ANGPTL1: variants seen among roughly 807,000 people sequenced by gnomAD.
ANGPTL1 encodes the protein angiopoietin like 1.
ANGPTL1 carries 36 observed loss-of-function variants against 46.7 expected under a neutral mutation model. The ratio of observed to expected loss-of-function variants is 0.77; its 90% CI spans 0.59 to 1.02. ANGPTL1 has a LOEUF of 1.02. ANGPTL1 is among the 50% of genes least tolerant of loss of function. The pLI is 0.00. For missense variants in ANGPTL1, 571 were observed against 594.7 expected (o/e 0.96, Z 0.41); for synonymous variants, 221 against 204.3 (o/e 1.08, Z -0.69).
chr1:178,865,238 G>A lies in ANGPTL1; in HGVS notation c.539C>T (p.Ala180Val). The A allele has an allele frequency of 6.2e-7, 1 of 1,614,124 alleles. No individual in the cohort carries two copies. Residue 180 changes from alanine to valine, a missense_variant, in exon 3 of 6, where the codon GCT (alanine) becomes GTT (valine). Physicochemically the swap from Ala to Val is moderately conservative, Grantham distance 64 (BLOSUM62 0). Transcript: ENST00000234816. ...TRYRELEVKYASLTDLVNNQS... is the reference protein window; with the variant it reads ...TRYRELEVKYVSLTDLVNNQS... ...GTTATTGACAAGATCAGTCAAGGAAGCGTATTTCACCTCTAGTTCCCTGTA... is the reference window on the plus strand; with the variant it reads ...GTTATTGACAAGATCAGTCAAGGAAACGTATTTCACCTCTAGTTCCCTGTA...
rs183060436 is a variant in ANGPTL1, at chr1:178,865,706, C to T, written c.71G>A (p.Gly24Glu). The T allele has an allele frequency of 6.2e-7, 1 of 1,613,718 alleles. No homozygotes were observed. Among genetic ancestry groups the T allele is most frequent in the Admixed American group, 1.7e-5 (1 of 59,984 alleles). Residue 24 changes from glycine to glutamate, a missense_variant, in exon 3 of 6, where the codon GGA becomes GAA. Physicochemically the swap from Gly to Glu is moderately conservative, Grantham distance 98. Transcript: ENST00000234816. ...GTTTATTTTTTTAATTTTGAATTGT[C>T]CACCTCTGCAATGTCCAGTGTCCAC... ...LLVDTGHCRG[G>E]QFKIKKINQR... is the part of the protein sequence containing the mutation.
intron 3 of ANGPTL1, 116 bp from the exon 4 acceptor site, chr1:178,853,903 A>G: frequency 3.3e-6 from 2 of 607,424 alleles, no homozygotes; most frequent in Non-Finnish European, 5.1e-6. Flanking sequence ...ATTGTTTATC[A>G]TATATACAAT....
rs375369347 is a variant in ANGPTL1 at position 178,852,882 on chromosome 1, A to G, written c.1089T>C (p.Asp363=). The change falls in exon 5 of 6, where the codon GAT becomes GAC. Residue 363 remains aspartate, a synonymous_variant. Coordinates refer to ENST00000234816, the MANE Select transcript of ANGPTL1 (RefSeq NM_004673.4). ...CTAATTCAATCAATAACTTGTAATT[A>G]TCTTGATTGCTAAGCATATAGATAT... ...LENIYMLSNQ[D]NYKLLIELED... is the part of the protein sequence containing the mutation. 6.2e-7 allele frequency: 1 copy of G among 1,613,842 alleles called. No individual in the cohort carries two copies. Among genetic ancestry groups the G allele is most frequent in the Non-Finnish European group, 8.5e-7 (1 of 1,179,766 alleles).
At position 178,865,762 on chromosome 1, in the gene ANGPTL1, G is replaced by C. The variant is rs763199904; in HGVS notation, c.15C>G (p.Thr5=). ...GGAAGAATAGCACACCTAGGGTCCA[G>C]GTAAAAGTCTTCATTTTGAAATGAG... The part of the protein sequence containing the change: MKTF[T]WTLGVLFFLL... The change falls in exon 3 of 6, where the codon ACC becomes ACG. Residue 5 remains threonine (T), a synonymous_variant. Coordinates refer to ENST00000234816, the MANE Select transcript of ANGPTL1 (RefSeq NM_004673.4). 11 of 1,582,076 alleles carry C rather than the reference G, an allele frequency of 7.0e-6. No homozygotes were observed. The highest frequency in any genetic ancestry group is 9.4e-6 in the Non-Finnish European group (11 of 1,167,798).
intron 2 of ANGPTL1, 78 bp downstream of exon 2, chr1:178,869,036 C>T (rs1658587169): frequency 6.6e-6 from 1 of 151,934 alleles, no homozygotes; most frequent in African/African-American, 2.4e-5. Context: ...ATCTATGTTA[C>T]CTCATAAAAC....
intron 2 of ANGPTL1, among the ~76,000 whole-genome samples, chr1:178,868,912 C>A (rs1307735808): frequency 6.6e-6 from 1 of 151,820 alleles, no homozygotes; most frequent in East Asian, 1.9e-4. Flanking sequence ...AGACTAGCTA[C>A]GTCAGGAGTA....
chr1:178,853,449 T>C (rs1486956686), intron 4 of ANGPTL1, 145 bp downstream of exon 4: 1 of 756,114 alleles, frequency 1.3e-6, no homozygotes, highest in African/African-American at 1.9e-5. Context: ...ATGAGAATCA[T>C]TTTTTTGACA....
Position 178,852,669 on chromosome 1 carries a change from T to G in ANGPTL1, c.1288+14A>C. 1 of 1,599,694 alleles carries G rather than the reference T, an allele frequency of 6.3e-7. No individual in the cohort carries two copies. Among genetic ancestry groups the G allele is most frequent in the South Asian group, 1.1e-5 (1 of 89,478 alleles). On this transcript the variant is annotated intron_variant, in intron 5 of 5. Coordinates refer to ENST00000234816, the MANE Select transcript of ANGPTL1 (RefSeq NM_004673.4). ...GTGATGATTCTACAAAGAATGAAAG[T>G]TTTTCATACTTACCTGCATACATAT... is the stretch of plus-strand genomic sequence containing the variant.
chr1:178,867,324 A>G (rs936889447), intron 2 of ANGPTL1, among the ~76,000 whole-genome samples: 2 of 152,148 alleles, frequency 1.3e-5, no homozygotes, highest in South Asian at 4.1e-4. Flanking sequence ...CTTATTATCA[A>G]GAGTCACACA....
chr1:178,869,014 A>G (rs1171380377), intron 2 of ANGPTL1, 100 bp downstream of exon 2: 1 of 152,046 alleles, frequency 6.6e-6, no homozygotes, highest in Non-Finnish European at 1.5e-5. Context: ...TTTTGAAGCA[A>G]AAGATCCATA....
intron 3 of ANGPTL1, among the ~76,000 whole-genome samples, chr1:178,864,434 G>A (rs1204491849): frequency 6.6e-6 from 1 of 152,106 alleles, no homozygotes; most frequent in Non-Finnish European, 1.5e-5. Context: ...CAAAACCCAG[G>A]ACCTGATTAG....
chr1:178,865,329 C>A lies in ANGPTL1; in HGVS notation c.448G>T (p.Glu150Ter). 1 of 1,614,002 alleles carries A rather than the reference C, an allele frequency of 6.2e-7. No homozygotes were observed. The highest frequency in any genetic ancestry group is 8.5e-7 in the Non-Finnish European group (1 of 1,179,956). Residue 150 changes from glutamate (E) to a stop codon, truncating the protein, a stop_gained, in exon 3 of 6, where the codon GAA (glutamate) becomes TAA (stop). Coordinates refer to ENST00000234816, the MANE Select transcript of ANGPTL1 (RefSeq NM_004673.4). LOFTEE classifies it high-confidence loss of function. ...ATTTTGTTTTCCAGTTGGGAAAGTT[C>A]AAGTGAATTATCCCTCTTACGGATA... The part of the protein sequence containing the change: ...EIIRKRDNSL[E>*]LSQLENKILN...
intron 3 of ANGPTL1, among the ~76,000 whole-genome samples, chr1:178,863,963 T>C (rs1658212173): frequency 6.6e-6 from 1 of 152,210 alleles, no homozygotes; most frequent in East Asian, 1.9e-4. Flanking sequence ...TCCTGCCTTT[T>C]CAATAAGTGA....
At chr1:178,852,568 A>T in intron 5 of ANGPTL1, 115 bp downstream of exon 5, 1 of 1,121,584 alleles carries the variant, frequency 8.9e-7, no homozygotes, top group Non-Finnish European at 1.2e-6. Context: ...ATTTCCTGCC[A>T]CAGTGACCAA....
chr1:178,864,122 G>T (rs1386261505), intron 3 of ANGPTL1, among the ~76,000 whole-genome samples: 2 of 152,066 alleles, frequency 1.3e-5, no homozygotes, highest in Non-Finnish European at 2.9e-5. Flanking sequence ...ACTGAATTCA[G>T]AAAGTTAGCA....
intron 3 of ANGPTL1, 69 bp downstream of exon 3, chr1:178,864,885 A>T (rs1457992333): frequency 1.9e-6 from 2 of 1,059,694 alleles, no homozygotes; most frequent in East Asian, 5.3e-5. Context: ...ATTTATTATG[A>T]GCATTGTTTC....
At position 178,865,229 on chromosome 1, in the gene ANGPTL1, G is replaced by A. The variant is rs1250635512; in HGVS notation, c.548C>T (p.Thr183Ile). 6.2e-7 allele frequency: 1 copy of A among 1,614,144 alleles called. No homozygotes were observed. Among genetic ancestry groups the A allele is most frequent in the South Asian group, 1.1e-5 (1 of 91,078 alleles). ...CACAGATTGGTTATTGACAAGATCA[G>A]TCAAGGAAGCGTATTTCACCTCTAG... ...RELEVKYASL[T>I]DLVNNQSVMI... The change falls in exon 3 of 6, where the codon ACT becomes ATT. Residue 183 changes from threonine (T) to isoleucine (I), a missense_variant. By Grantham distance (89) the Thr-to-Ile change is moderately conservative. Transcript: ENST00000234816.
intron 2 of ANGPTL1, among the ~76,000 whole-genome samples, chr1:178,868,708 C>T (rs987236600): frequency 1.5e-4 from 23 of 152,102 alleles, no homozygotes; most frequent in Non-Finnish European, 1.9e-4. Flanking sequence ...TGCCTTGGCT[C>T]ATTGTGGTTC....
intron 3 of ANGPTL1, among the ~76,000 whole-genome samples, chr1:178,856,234 T>TATATATATATATATATACACAC (rs1368301659): frequency 7.8e-6 from 1 of 128,774 alleles, no homozygotes; most frequent in African/African-American, 3.2e-5. Context: ...TATATATATA[T>TATATATATATATATATACACAC]GGTTTTGGGT....
Sources: allele counts gnomAD v4.1 joint callset (sites outside exome capture counted in the v4.1 genomes callset), GRCh38; gene constraint gnomAD v4.1.1; transcripts MANE v1.5; gene names NCBI Gene and HGNC (gene_info 2026-07-23, HGNC 2026-07-21).